The following MAP7 variants were observed in gnomAD, a reference collection of about 807,000 sequenced individuals.
MAP7 encodes ensconsin.
Under a neutral mutation model 94.8 loss-of-function variants are expected in MAP7, and 52 were observed. That is an observed-to-expected ratio of 0.55 (90% confidence interval 0.44 to 0.69). MAP7 has a LOEUF of 0.69. Ranked by LOEUF, MAP7 falls within the 30% of genes least tolerant of loss-of-function variation. The pLI is 0.00. For synonymous variants in MAP7, 350 were observed against 357.0 expected, an observed-to-expected ratio of 0.98 and a Z score of 0.22; for missense variants, 940 against 964.6, an observed-to-expected ratio of 0.97 and a Z score of 0.34.
intron 15 of MAP7, among the ~76,000 whole-genome samples, 200 bp downstream of exon 15, chr6:136,359,620 A>G (rs889310726): frequency 1.1e-4 from 16 of 152,194 alleles, no homozygotes; most frequent in South Asian, 4.1e-4. Context: ...AGTATAAACA[A>G]ACGTGAAAAG....
intron 2 of MAP7, among the ~76,000 whole-genome samples, chr6:136,418,496 T>A (rs1268979922): frequency 1.3e-5 from 2 of 152,232 alleles, no homozygotes; most frequent in African/African-American, 4.8e-5. Flanking sequence ...ATTACAGGCG[T>A]GAGCCACCGG....
At chr6:136,431,398 C>T (rs557189309) in intron 1 of MAP7, among the ~76,000 whole-genome samples, 5 of 152,288 alleles carry the variant, frequency 3.3e-5, no homozygotes, top group Admixed American at 1.3e-4. Flanking sequence ...TGTAACATTT[C>T]TCTCTTGGAA....
intron 1 of MAP7, among the ~76,000 whole-genome samples, chr6:136,443,101 G>C (rs1582925944): frequency 6.6e-6 from 1 of 152,086 alleles, no homozygotes; most frequent in African/African-American, 2.4e-5. Context: ...TATTAACCCA[G>C]TAAATAGTAA....
chr6:136,490,237 C>G (rs577309533), intron 1 of MAP7, among the ~76,000 whole-genome samples: 2 of 152,254 alleles, frequency 1.3e-5, no homozygotes, highest in Non-Finnish European at 2.9e-5. Context: ...TAAAAGCCAT[C>G]AGGAAGATTT....
At position 136,411,634 on chromosome 6, in the gene MAP7, C is replaced by T. The variant is rs141805814; in HGVS notation, c.230G>A (p.Arg77Gln). Residue 77 changes from arginine to glutamine, a missense_variant, in exon 3 of 18, where the codon CGG (arginine) becomes CAG (glutamine). Physicochemically the swap from Arg to Gln is conservative, Grantham distance 43 (BLOSUM62 1). Transcript: ENST00000354570. ...QRLARERREE[R>Q]EKQLAAREIV... ...GCCTGGGGTACCTAGCTGTTTCTCCCGTTCCTCACGTCGCTCCCGGGCCAG... is the reference window on the plus strand; with the variant it reads ...GCCTGGGGTACCTAGCTGTTTCTCCTGTTCCTCACGTCGCTCCCGGGCCAG... 417 of 1,561,212 alleles carry T rather than the reference C, an allele frequency of 2.7e-4. 1 individual carries two copies. The highest frequency in any genetic ancestry group is 3.5e-4 in the Non-Finnish European group (399 of 1,151,718).
At chr6:136,355,427 A>G (rs1291328015) in intron 16 of MAP7, among the ~76,000 whole-genome samples, 1 of 152,042 alleles carries the variant, frequency 6.6e-6, no homozygotes, top group Non-Finnish European at 1.5e-5. Context: ...AATTATTAAG[A>G]TCTCTCAGGG....
chr6:136,540,102 C>T (rs930139539), intron 1 of MAP7, among the ~76,000 whole-genome samples: 2 of 152,210 alleles, frequency 1.3e-5, no homozygotes, highest in East Asian at 3.9e-4. Flanking sequence ...TTAAAAACCG[C>T]AGAGGTTACC....
At position 136,550,289 on chromosome 6, in the gene MAP7, CG is replaced by C; in HGVS notation, c.67+52del. The C allele has an allele frequency of 7.1e-7, 1 of 1,414,696 alleles. No individual in the cohort carries two copies. 87.6% of individuals were successfully genotyped at this position (1,414,696 alleles called of 1,614,324 possible). Reference sequence around the variant, plus strand: ...GATTTCGGTGCCAGCCCGCCGGCCCCGCTCGCCGTCCCCTGCCCGACGGGAC... The same window carrying C: ...GATTTCGGTGCCAGCCCGCCGGCCCCCTCGCCGTCCCCTGCCCGACGGGAC... On this transcript the variant is annotated intron_variant, in intron 1 of 17. Transcript: ENST00000354570. This position sits in a 1 kb window ranked among gnomAD's most constrained non-coding sequence, Gnocchi z 5.1.
At chr6:136,545,731 ATTT>A (rs576891797) in intron 1 of MAP7, among the ~76,000 whole-genome samples, 52 of 151,246 alleles carry the variant, frequency 3.4e-4, no homozygotes, top group African/African-American at 1.2e-3. Flanking sequence ...TTAAAAGTTT[ATTT>A]TTTTATTTTT....
At chr6:136,476,478 A>G (rs1401798390) in intron 1 of MAP7, among the ~76,000 whole-genome samples, 1 of 152,224 alleles carries the variant, frequency 6.6e-6, no homozygotes, top group African/African-American at 2.4e-5. Context: ...TTATAAAAAT[A>G]TAACTTCAAA....
At chr6:136,505,207 G>A (rs902033598) in intron 1 of MAP7, among the ~76,000 whole-genome samples, 2 of 145,744 alleles carry the variant, frequency 1.4e-5, no homozygotes, top group African/African-American at 5.1e-5. Context: ...GTATCTTCCT[G>A]AACACTGTTT....
At chr6:136,392,238 C>T (rs952262821) in intron 3 of MAP7, among the ~76,000 whole-genome samples, 4 of 151,900 alleles carry the variant, frequency 2.6e-5, no homozygotes, top group Non-Finnish European at 4.4e-5. Context: ...CCACTATGCC[C>T]GGCTAATTTT....
At chr6:136,396,025 T>G (rs1316731475) in intron 3 of MAP7, among the ~76,000 whole-genome samples, 7 of 152,324 alleles carry the variant, frequency 4.6e-5, no homozygotes, top group African/African-American at 1.4e-4. Flanking sequence ...TTCTTTTTGC[T>G]CAGGATTGCT....
At chr6:136,515,797 A>C (rs1174893086) in intron 1 of MAP7, among the ~76,000 whole-genome samples, 2 of 152,226 alleles carry the variant, frequency 1.3e-5, no homozygotes, top group Non-Finnish European at 2.9e-5. Flanking sequence ...AACAATGAAA[A>C]AGTTTGAAAT....
chr6:136,531,699 C>T (rs1583154357), intron 1 of MAP7, among the ~76,000 whole-genome samples: 1 of 123,698 alleles, frequency 8.1e-6, no homozygotes, highest in Non-Finnish European at 1.5e-5. Flanking sequence ...TAGGGATAGA[C>T]GTAAAAACAG....
chr6:136,408,661 C>G (rs1490749579), intron 3 of MAP7, among the ~76,000 whole-genome samples: 1 of 151,954 alleles, frequency 6.6e-6, no homozygotes, highest in South Asian at 2.1e-4. Context: ...AACTTGAAAA[C>G]TTTAAAGTTT....
intron 1 of MAP7, among the ~76,000 whole-genome samples, chr6:136,505,277 G>GTGTATGTATATATATATA (rs1465266004): frequency 1.9e-5 from 1 of 53,810 alleles, no homozygotes; most frequent in African/African-American, 8.1e-5. Context: ...GTGTGTGTGT[G>GTGTATGTATATATATATA]TATATATATA....
At position 136,526,076 on chromosome 6, in the gene MAP7, G is replaced by A. The variant is rs112711539; in HGVS notation, c.67+24266C>T. ...GTTCCTAAGCTGCCTGTTCATTTGA[G>A]CACTTGTAATAGATCCCCTATGGGT... On this transcript the variant is annotated intron_variant, in intron 1 of 17. Transcript: ENST00000354570. The A allele has an allele frequency of 5.6e-6, 8 of 1,432,866 alleles. No individual in the cohort carries two copies. In the African/African-American group the frequency reaches 5.8e-5, roughly 10 times the overall value. 88.8% of individuals were successfully genotyped at this position (1,432,866 alleles called of 1,614,324 possible). A position where few individuals can be genotyped will look rare whatever the true frequency, so the allele number is the denominator to read the frequency against.
At chr6:136,529,651 T>G (rs1828312310) in intron 1 of MAP7, among the ~76,000 whole-genome samples, 1 of 152,262 alleles carries the variant, frequency 6.6e-6, no homozygotes, top group African/African-American at 2.4e-5. Flanking sequence ...CACTGCCTAG[T>G]GCAAAATGGT....
Sources: gnomAD v4.1 joint callset for allele counts (sites outside exome capture counted in the v4.1 genomes callset) on GRCh38, gnomAD v4.1.1 for gene constraint, Gnocchi (gnomAD v3.1) non-coding constraint, MANE v1.5 for transcripts, NCBI Gene and HGNC (gene_info 2026-07-23, HGNC 2026-07-21) for gene names.